The following GBE1 variants were observed in gnomAD, a reference collection of about 807,000 sequenced individuals.
The protein encoded by GBE1 is 1,4-alpha-glucan-branching enzyme.
Under a neutral mutation model 88.8 loss-of-function variants are expected in GBE1, and 70 were observed. That is an observed-to-expected ratio of 0.79 (90% CI 0.65 to 0.96). The LOEUF (loss-of-function observed/expected upper bound fraction) is 0.96. GBE1 is among the 40% of genes least tolerant of loss of function. The pLI is 0.00. For missense variants in GBE1, 872 were observed against 871.0 expected (o/e 1.00, Z -0.01); for synonymous variants, 284 against 300.1 (o/e 0.95, Z 0.56).
intron 1 of GBE1, among the ~76,000 whole-genome samples, chr3:81,752,956 T>C (rs1190316237): frequency 6.6e-6 from 1 of 152,184 alleles, no homozygotes; most frequent in African/African-American, 2.4e-5. Context: ...CATCAAACTA[T>C]TATTTGTTTA....
At chr3:81,642,547 A>G (rs1407866732) in intron 7 of GBE1, 1 of 368,200 alleles carries the variant, frequency 2.7e-6, no homozygotes, top group Non-Finnish European at 4.8e-6. Context: ...AAATGATTAT[A>G]TAACCAATAT....
At position 81,561,198 on chromosome 3, in the gene GBE1, A is replaced by C. The variant is rs182778806; in HGVS notation, c.1618+16727T>G. ...CACCTATACTACCTTATGTTTTTAA[A>C]TTGCTTAAATCAAGTAGCTGTGTCA... is the stretch of plus-strand genomic sequence containing the variant. On this transcript the variant is annotated intron_variant, in intron 12 of 15. Transcript: ENST00000429644. Among the ~76,000 whole-genome samples the C allele has an allele frequency of 3.0e-3, 451 of 152,196 alleles. 1 individual carries two copies. Among genetic ancestry groups the C allele is most frequent in the South Asian group, 5.6e-3 (27 of 4,828 alleles).
chr3:81,702,890 TAA>T (rs1705721066), intron 2 of GBE1, among the ~76,000 whole-genome samples: 1 of 152,072 alleles, frequency 6.6e-6, no homozygotes, highest in Non-Finnish European at 1.5e-5. Flanking sequence ...CAACTTTTAA[TAA>T]ATGAGCAATA....
At chr3:81,654,084 A>G (rs1704893892) in intron 3 of GBE1, among the ~76,000 whole-genome samples, 1 of 152,166 alleles carries the variant, frequency 6.6e-6, no homozygotes, top group Non-Finnish European at 1.5e-5. Flanking sequence ...TAATACCATA[A>G]TAATACCAAA....
At chr3:81,502,474 G>A (rs1449629810) in intron 14 of GBE1, among the ~76,000 whole-genome samples, 1 of 152,080 alleles carries the variant, frequency 6.6e-6, no homozygotes, top group African/African-American at 2.4e-5. Context: ...TGTCTACATT[G>A]CCCAGGGAAC....
chr3:81,621,658 G>A (rs780394603), intron 7 of GBE1, among the ~76,000 whole-genome samples: 4 of 151,972 alleles, frequency 2.6e-5, no homozygotes, highest in Admixed American at 6.6e-5. Flanking sequence ...GAATTCTCAC[G>A]GTCTATTACC....
At chr3:81,739,214 T>G (rs1200756354) in intron 1 of GBE1, among the ~76,000 whole-genome samples, 2 of 152,186 alleles carry the variant, frequency 1.3e-5, no homozygotes, top group African/African-American at 4.8e-5. Flanking sequence ...ACATTCAGAC[T>G]GCAGCACATA....
At chr3:81,502,456 C>G (rs1472116873) in intron 14 of GBE1, among the ~76,000 whole-genome samples, 1 of 152,168 alleles carries the variant, frequency 6.6e-6, no homozygotes, top group Non-Finnish European at 1.5e-5. Context: ...TGCAATCACC[C>G]AGTTCTGTGT....
chr3:81,683,054 C>T (rs1282885625), intron 2 of GBE1, among the ~76,000 whole-genome samples: 1 of 152,090 alleles, frequency 6.6e-6, no homozygotes, highest in African/African-American at 2.4e-5. Context: ...TTCATAGACA[C>T]AGAAAGTAGA....
intron 7 of GBE1, among the ~76,000 whole-genome samples, chr3:81,638,562 C>G (rs1413462886): frequency 1.3e-5 from 2 of 152,134 alleles, no homozygotes; most frequent in Non-Finnish European, 2.9e-5. Flanking sequence ...ACTCCTGAAA[C>G]TTATGGGTGA....
intron 7 of GBE1, among the ~76,000 whole-genome samples, chr3:81,610,272 T>C (rs1704161696): frequency 6.6e-6 from 1 of 152,226 alleles, no homozygotes; most frequent in South Asian, 2.1e-4. Context: ...AGCATGTTAA[T>C]CAGTGAAGTA....
chr3:81,663,029 A>C (rs1333472170), intron 3 of GBE1, among the ~76,000 whole-genome samples: 1 of 152,182 alleles, frequency 6.6e-6, no homozygotes, highest in African/African-American at 2.4e-5. Flanking sequence ...AGTCACAAAG[A>C]GTGGAAAACT....
chr3:81,622,227 T>G (rs574000350), intron 7 of GBE1, among the ~76,000 whole-genome samples: 29 of 152,336 alleles, frequency 1.9e-4, no homozygotes, highest in South Asian at 4.1e-4. Flanking sequence ...AAAACCATTT[T>G]TAGTCCAAAT....
intron 1 of GBE1, among the ~76,000 whole-genome samples, chr3:81,750,565 A>ATATATATGTATATATATATG (rs1706489404): frequency 3.1e-5 from 2 of 63,678 alleles, no homozygotes; most frequent in African/African-American, 1.9e-4. Flanking sequence ...ATATATATGT[A>ATATATATGTATATATATATG]TATATATATA....
chr3:81,722,988 A>G (rs1470639698), intron 1 of GBE1, among the ~76,000 whole-genome samples: 5 of 150,470 alleles, frequency 3.3e-5, no homozygotes, highest in African/African-American at 1.2e-4. Flanking sequence ...AATCTATTCA[A>G]ATCTCTAATA....
Position 81,537,035 on chromosome 3 carries a change from T to TAA in GBE1, c.1677_1678dup (p.Tyr560PhefsTer11). 1 of 1,580,382 alleles carries TAA rather than the reference T, an allele frequency of 6.3e-7. No individual in the cohort carries two copies. The highest frequency in any genetic ancestry group is 8.6e-7 in the Non-Finnish European group (1 of 1,166,052). ...ATGAAACTGCCGCCTGGCATAATGG[T>TAA]AACTCTCATTATTTCCTTTTCTTGG... On this transcript the variant is annotated frameshift_variant, in exon 13 of 16. Coordinates refer to ENST00000429644, the MANE Select transcript of GBE1 (RefSeq NM_000158.4). LOFTEE classifies it high-confidence loss of function.
chr3:81,573,762 T>TCC (rs200835357), intron 12 of GBE1, among the ~76,000 whole-genome samples: 83 of 98,508 alleles, frequency 8.4e-4, no homozygotes, highest in Middle Eastern at 4.2e-3. Context: ...CTTCTCTCTC[T>TCC]CTCTCTCTCT....
intron 3 of GBE1, among the ~76,000 whole-genome samples, chr3:81,652,856 A>G (rs572928344): frequency 1.3e-5 from 2 of 152,312 alleles, no homozygotes; most frequent in Admixed American, 6.5e-5. Flanking sequence ...TTTGCTCACA[A>G]AACTCTTTTG....
At chr3:81,702,092 A>AGTGT (rs2107162869) in intron 2 of GBE1, among the ~76,000 whole-genome samples, 1 of 27,736 alleles carries the variant, frequency 3.6e-5, no homozygotes, top group Admixed American at 4.5e-4. Flanking sequence ...GGAGAGAGAG[A>AGTGT]GAGAGAGAGA....
Sources: allele counts gnomAD v4.1 joint callset (sites outside exome capture counted in the v4.1 genomes callset), GRCh38; gene constraint gnomAD v4.1.1; transcripts MANE v1.5; gene names NCBI Gene and HGNC (gene_info 2026-07-23, HGNC 2026-07-21).